KIF5C: variants seen among roughly 807,000 people sequenced by gnomAD.
KIF5C encodes kinesin heavy chain isoform 5C.
KIF5C carries 18 observed loss-of-function variants against 125.2 expected under a neutral mutation model. That is an observed-to-expected ratio of 0.14 (90% CI 0.10 to 0.21). The LOEUF (loss-of-function observed/expected upper bound fraction) is 0.21, where lower values mean the gene tolerates loss of function less well. Ranked by LOEUF, KIF5C falls within the 10% of genes least tolerant of loss-of-function variation. The pLI, the probability that KIF5C is intolerant of heterozygous loss-of-function variation, is 1.00. For missense variants in KIF5C, 780 were observed against 1,183.8 expected, an observed-to-expected ratio of 0.66 and a Z score of 5.01; for synonymous variants, 405 against 434.0, an observed-to-expected ratio of 0.93 and a Z score of 0.83.
At chr2:148,907,990 G>A (rs1235599114) in intron 1 of KIF5C, among the ~76,000 whole-genome samples, 1 of 152,342 alleles carries the variant, frequency 6.6e-6, no homozygotes, top group African/African-American at 2.4e-5. Context: ...GGCTGTTCCT[G>A]TCTCAAATCT....
chr2:148,890,625 G>A (rs1278793903), intron 1 of KIF5C, among the ~76,000 whole-genome samples: 1 of 152,208 alleles, frequency 6.6e-6, no homozygotes, highest in Non-Finnish European at 1.5e-5. Context: ...TGGATGTGGA[G>A]GGGCTTGAAA....
chr2:148,961,466 T>A (rs1419417413), intron 10 of KIF5C, among the ~76,000 whole-genome samples: 1 of 152,216 alleles, frequency 6.6e-6, no homozygotes, highest in Non-Finnish European at 1.5e-5. Flanking sequence ...ATTATTTCTG[T>A]CTGTGTATCA....
chr2:148,971,814 C>G (rs1048586008), intron 11 of KIF5C, among the ~76,000 whole-genome samples: 3 of 152,174 alleles, frequency 2.0e-5, no homozygotes, highest in Middle Eastern at 3.2e-3. Context: ...TAAACTATCA[C>G]AGTGTTTTGT....
At chr2:148,981,878 T>C (rs1455834894) in intron 14 of KIF5C, among the ~76,000 whole-genome samples, 1 of 152,190 alleles carries the variant, frequency 6.6e-6, no homozygotes, top group East Asian at 1.9e-4. Context: ...ACTTCATAAC[T>C]CTTAGACCTT....
intron 11 of KIF5C, among the ~76,000 whole-genome samples, chr2:148,966,836 A>G (rs1212453332): frequency 2.0e-5 from 3 of 152,064 alleles, no homozygotes; most frequent in East Asian, 1.9e-4. Flanking sequence ...GGTCTCCACT[A>G]TGTAAGACTA....
intron 15 of KIF5C, 121 bp downstream of exon 15, chr2:148,983,887 G>A (rs1681305015): frequency 2.4e-6 from 3 of 1,248,282 alleles, no homozygotes; most frequent in Non-Finnish European, 3.1e-6. Flanking sequence ...GTGCTGGTTA[G>A]TGTTTGAATG....
intron 25 of KIF5C, 119 bp downstream of exon 25, chr2:149,011,802 AC>A: frequency 7.3e-7 from 1 of 1,361,860 alleles, no homozygotes; most frequent in Non-Finnish European, 1.0e-6. Flanking sequence ...TCCAGCACAC[AC>A]CCTGGGGGTT....
At chr2:148,893,519 T>C (rs892785274) in intron 1 of KIF5C, among the ~76,000 whole-genome samples, 13 of 152,250 alleles carry the variant, frequency 8.5e-5, no homozygotes, top group Non-Finnish European at 1.3e-4. Flanking sequence ...CCTTTATTGA[T>C]GAGGTTCCCT....
At chr2:148,881,771 C>T (rs1368307695) in intron 1 of KIF5C, among the ~76,000 whole-genome samples, 3 of 145,580 alleles carry the variant, frequency 2.1e-5, no homozygotes, top group African/African-American at 8.5e-5. Context: ...GGGATGCTTG[C>T]ATGTGTAATC....
intron 25 of KIF5C, among the ~76,000 whole-genome samples, chr2:149,016,939 C>T (rs1240539889): frequency 2.6e-5 from 4 of 152,094 alleles, no homozygotes; most frequent in African/African-American, 9.7e-5. Context: ...GCCTGAGGAT[C>T]ATGTGGGGGC....
intron 1 of KIF5C, among the ~76,000 whole-genome samples, chr2:148,896,822 C>CCTCT (rs70995344): frequency 7.8e-4 from 116 of 149,438 alleles, no homozygotes; most frequent in Admixed American, 1.8e-3. Context: ...CATGATCCTT[C>CCTCT]CTCTCTCTCT....
chr2:148,875,380 C>A lies in KIF5C; in HGVS notation c.-238C>A. 2.1e-6 allele frequency: 1 copy of A among 474,336 alleles called. No individual in the cohort carries two copies. 29.4% of individuals were successfully genotyped at this position (474,336 alleles called of 1,614,324 possible). ...GGCGCTGGGCAGGGGCGGGGCAGGGCCAGGGCAGGCCGGTCTGCAGCCGGA... is the reference window on the plus strand; with the variant it reads ...GGCGCTGGGCAGGGGCGGGGCAGGGACAGGGCAGGCCGGTCTGCAGCCGGA... On this transcript the variant is annotated 5_prime_UTR_variant, in exon 1 of 26. Transcript: ENST00000435030.
chr2:148,977,043 T>G (rs1366763222), intron 12 of KIF5C, among the ~76,000 whole-genome samples: 1 of 152,114 alleles, frequency 6.6e-6, no homozygotes, highest in Non-Finnish European at 1.5e-5. Flanking sequence ...AAGCACACCT[T>G]ATTATTCTGG....
At chr2:149,018,629 A>G (rs1050567436) in intron 25 of KIF5C, among the ~76,000 whole-genome samples, 9 of 152,292 alleles carry the variant, frequency 5.9e-5, no homozygotes, top group African/African-American at 2.2e-4. Flanking sequence ...AGGCGTTTGA[A>G]ACCAGCCTTA....
At chr2:149,018,485 T>C (rs1426587204) in intron 25 of KIF5C, among the ~76,000 whole-genome samples, 1 of 152,106 alleles carries the variant, frequency 6.6e-6, no homozygotes, top group Non-Finnish European at 1.5e-5. Context: ...GATGATCTTC[T>C]CTGCAACAGT....
chr2:149,015,619 A>G (rs1449772697), intron 25 of KIF5C, among the ~76,000 whole-genome samples: 4 of 152,230 alleles, frequency 2.6e-5, no homozygotes, highest in Admixed American at 2.6e-4. Context: ...ATGCCAATAT[A>G]CAAAAATCAA....
At chr2:148,897,791 C>T (rs144192013) in intron 1 of KIF5C, among the ~76,000 whole-genome samples, 1 of 151,590 alleles carries the variant, frequency 6.6e-6, no homozygotes, top group African/African-American at 2.4e-5. Context: ...TGGTAGTGTA[C>T]ACCTGTGGTC....
chr2:148,961,123 G>A (rs1456800157), intron 10 of KIF5C, among the ~76,000 whole-genome samples: 2 of 152,218 alleles, frequency 1.3e-5, no homozygotes, highest in South Asian at 2.1e-4. Flanking sequence ...TATACTGGAA[G>A]TGGCAAAATG....
chr2:148,969,421 C>CTGTG (rs1453277661), intron 11 of KIF5C, among the ~76,000 whole-genome samples: 1 of 74,542 alleles, frequency 1.3e-5, no homozygotes, highest in African/African-American at 5.8e-5. Flanking sequence ...GGAAGGTTTC[C>CTGTG]AGTGTGTGTG....
Sources: gnomAD v4.1 joint callset for allele counts (sites outside exome capture counted in the v4.1 genomes callset) on GRCh38, gnomAD v4.1.1 for gene constraint, MANE v1.5 for transcripts, NCBI Gene and HGNC (gene_info 2026-07-23, HGNC 2026-07-21) for gene names.